THSD7B: variants seen among roughly 807,000 people sequenced by gnomAD.
The protein encoded by THSD7B is thrombospondin type 1 domain containing 7B, also known as thrombospondin type-1 domain-containing protein 7B.
In THSD7B, 138 loss-of-function variants were observed where a neutral mutation model predicts 213.6. The ratio of observed to expected loss-of-function variants is 0.65; its 90% confidence interval spans 0.56 to 0.74. THSD7B has a LOEUF of 0.74. THSD7B is among the 30% of genes least tolerant of loss of function. The pLI is 0.00. For synonymous variants in THSD7B, 742 were observed against 687.0 expected (o/e 1.08, Z -1.25); for missense variants, 1,931 against 1,991.5 (o/e 0.97, Z 0.58).
chr2:137,051,980 G>C (rs887901368), intron 2 of THSD7B, among the ~76,000 whole-genome samples: 5 of 152,116 alleles, frequency 3.3e-5, no homozygotes, highest in Non-Finnish European at 5.9e-5. Flanking sequence ...TAATTAAGAG[G>C]ATAAAATTTG....
At chr2:137,034,298 G>T (rs56116108) in intron 2 of THSD7B, among the ~76,000 whole-genome samples, 88,507 of 151,858 alleles carry the variant, frequency 0.58, 29,637 homozygotes, top group Non-Finnish European at 0.73. Context: ...TAGAGACGGG[G>T]TTTCACCATG....
chr2:137,535,642 C>G (rs1278414711), intron 15 of THSD7B, among the ~76,000 whole-genome samples: 1 of 151,570 alleles, frequency 6.6e-6, no homozygotes, highest in Non-Finnish European at 1.5e-5. Context: ...TAGGATACAC[C>G]TAGGAACATG....
At chr2:137,599,255 T>C (rs1682029609) in intron 17 of THSD7B, among the ~76,000 whole-genome samples, 1 of 152,024 alleles carries the variant, frequency 6.6e-6, no homozygotes, top group African/African-American at 2.4e-5. Context: ...GGTGTATATG[T>C]GCCACATTTT....
rs77534919 is a variant in THSD7B at position 136,834,519 on chromosome 2, T to A, written c.-35-47625T>A. Among the ~76,000 whole-genome samples, 589 of 152,212 alleles carry A rather than the reference T, an allele frequency of 3.9e-3. 18 individuals are homozygous for A. The East Asian group carries it at 0.085, about 22-fold the overall frequency. ...TACTGTTGTTTCCCAAGGAAAGCCA[T>A]GTAGGTTGACTGTGACCCTGTGACA... On this transcript the variant is annotated intron_variant, in intron 1 of 27. Transcript: ENST00000409968.
intron 25 of THSD7B, among the ~76,000 whole-genome samples, chr2:137,662,990 G>A (rs1683379269): frequency 6.6e-6 from 1 of 150,990 alleles, no homozygotes; most frequent in African/African-American, 2.5e-5. Context: ...GCTTGAACCT[G>A]GGAGGCGGAG....
intron 12 of THSD7B, among the ~76,000 whole-genome samples, chr2:137,359,701 C>T (rs749766462): frequency 3.3e-5 from 5 of 152,150 alleles, no homozygotes; most frequent in Admixed American, 1.3e-4. Context: ...CTCCTGGGTA[C>T]CGTGAACTTC....
At chr2:137,291,143 G>A (rs6740551) in intron 12 of THSD7B, among the ~76,000 whole-genome samples, 7,747 of 152,018 alleles carry the variant, frequency 0.051, 463 homozygotes, top group African/African-American at 0.14. Flanking sequence ...ATCTACAAAC[G>A]CTCATCAGCT....
chr2:137,254,727 C>A (rs1325153323), intron 10 of THSD7B, among the ~76,000 whole-genome samples: 6 of 152,116 alleles, frequency 3.9e-5, no homozygotes, highest in Non-Finnish European at 5.9e-5. Flanking sequence ...TTATCCCATG[C>A]AAAGTTGCTC....
intron 12 of THSD7B, among the ~76,000 whole-genome samples, chr2:137,334,249 A>C (rs1295916897): frequency 6.6e-6 from 1 of 151,614 alleles, no homozygotes; most frequent in Non-Finnish European, 1.5e-5. Flanking sequence ...GCCAGTGGCC[A>C]TAAATGGAGG....
intron 2 of THSD7B, among the ~76,000 whole-genome samples, chr2:137,029,078 C>CT (rs11443045): frequency 0.8 from 97,060 of 120,972 alleles, 39,436 homozygotes; most frequent in South Asian, 0.89. Context: ...TCTTTGTAAG[C>CT]TTTTTTTTTT....
intron 15 of THSD7B, among the ~76,000 whole-genome samples, chr2:137,527,433 T>C (rs1680299633): frequency 6.6e-6 from 1 of 152,134 alleles, no homozygotes; most frequent in South Asian, 2.1e-4. Flanking sequence ...AATTCATCAA[T>C]GAGTATAATT....
chr2:137,512,043 G>A (rs1404459642), intron 15 of THSD7B: 1 of 152,112 alleles, frequency 6.6e-6, no homozygotes, highest in East Asian at 1.9e-4. Context: ...CACAAACAAT[G>A]TTCAAATTGT....
intron 3 of THSD7B, among the ~76,000 whole-genome samples, chr2:137,074,284 A>G (rs1160038088): frequency 1.3e-5 from 2 of 152,072 alleles, no homozygotes; most frequent in African/African-American, 4.8e-5. Flanking sequence ...TTGGGTGCAT[A>G]TATATTTAGG....
chr2:137,288,221 C>T (rs971980164), intron 12 of THSD7B, among the ~76,000 whole-genome samples: 2 of 152,120 alleles, frequency 1.3e-5, no homozygotes, highest in Non-Finnish European at 2.9e-5. Context: ...AGTCAAAACT[C>T]AGCCTCACCG....
At chr2:137,613,602 A>AT (rs1682326765) in intron 17 of THSD7B, among the ~76,000 whole-genome samples, 1 of 152,138 alleles carries the variant, frequency 6.6e-6, no homozygotes. Flanking sequence ...TATAACCTTG[A>AT]TTTTTTAAAA....
chr2:137,591,263 T>G (rs1230388934), intron 17 of THSD7B, among the ~76,000 whole-genome samples: 1 of 151,950 alleles, frequency 6.6e-6, no homozygotes, highest in African/African-American at 2.4e-5. Flanking sequence ...CTTATTAATA[T>G]ATTTACTATC....
intron 1 of THSD7B, among the ~76,000 whole-genome samples, chr2:136,871,849 C>G (rs1446534762): frequency 6.6e-6 from 1 of 152,150 alleles, no homozygotes. Flanking sequence ...TACAGAACTT[C>G]CTTCTATGCA....
intron 15 of THSD7B, among the ~76,000 whole-genome samples, chr2:137,489,557 T>C (rs1688559514): frequency 6.6e-6 from 1 of 152,246 alleles, no homozygotes; most frequent in African/African-American, 2.4e-5. Context: ...GTTTGGATTT[T>C]AGTTTTAAGA....
Position 137,424,312 on chromosome 2 carries a change from G to A in THSD7B, c.2959+12440G>A, listed in dbSNP as rs151128087. ...GAAACAAAAGAAAAAATTAATTGTC[G>A]TTCATCAAAATTAAAAATGTAAGTG... On this transcript the variant is annotated intron_variant, in intron 14 of 27. Transcript: ENST00000409968. Among the ~76,000 whole-genome samples, 377 of 152,026 alleles carry A rather than the reference G, an allele frequency of 2.5e-3. 1 individual carries two copies. Among genetic ancestry groups the A allele is most frequent in the African/African-American group, 8.6e-3 (358 of 41,492 alleles).
Sources: allele counts gnomAD v4.1 joint callset (sites outside exome capture counted in the v4.1 genomes callset), GRCh38; gene constraint gnomAD v4.1.1; transcripts MANE v1.5; gene names NCBI Gene and HGNC (gene_info 2026-07-23, HGNC 2026-07-21).